RAP1A: variants seen among roughly 807,000 people sequenced by gnomAD.
RAP1A encodes RAP1A, member of RAS oncogene family, also known as ras-related protein Rap-1A.
RAP1A carries 6 observed loss-of-function variants against 26.4 expected under a neutral mutation model. That is an observed-to-expected ratio of 0.23 (90% CI 0.12 to 0.45). The LOEUF is 0.45. Ranked by LOEUF, RAP1A falls within the 20% of genes least tolerant of loss-of-function variation. The pLI, the probability that RAP1A is intolerant of heterozygous loss-of-function variation, is 0.99. For synonymous variants in RAP1A, 73 were observed against 79.4 expected (o/e 0.92, Z 0.43); for missense variants, 121 against 217.2 (o/e 0.56, Z 2.78).
intron 4 of RAP1A, among the ~76,000 whole-genome samples, chr1:111,700,090 TGGA>T (rs1271835411): frequency 6.6e-6 from 1 of 152,176 alleles, no homozygotes; most frequent in Non-Finnish European, 1.5e-5. Context: ...CTCTTAATGT[TGGA>T]GGACCTCAGG....
chr1:111,542,010 T>C (rs1317304821), upstream of RAP1A, among the ~76,000 whole-genome samples: 1 of 151,998 alleles, frequency 6.6e-6, no homozygotes, highest in Non-Finnish European at 1.5e-5. Flanking sequence ...AGGAACACCA[T>C]TCATTCCATA....
chr1:111,702,893 T>G (rs1390318908), intron 4 of RAP1A, among the ~76,000 whole-genome samples: 1 of 152,084 alleles, frequency 6.6e-6, no homozygotes, highest in African/African-American at 2.4e-5. Flanking sequence ...TTATTGACTG[T>G]CAAGATGATA....
At chr1:111,690,897 T>C (rs558930840) in intron 1 of RAP1A, among the ~76,000 whole-genome samples, 2 of 152,294 alleles carry the variant, frequency 1.3e-5, no homozygotes, top group East Asian at 3.9e-4. Flanking sequence ...ATGAACAAAA[T>C]AGTATAGAAT....
At chr1:111,652,976 C>G (rs1660322332) in intron 1 of RAP1A, among the ~76,000 whole-genome samples, 1 of 152,200 alleles carries the variant, frequency 6.6e-6, no homozygotes, top group Admixed American at 6.5e-5. Flanking sequence ...TTGTGCAAGA[C>G]TGTTCATTAC....
intron 1 of RAP1A, among the ~76,000 whole-genome samples, chr1:111,681,039 G>GT (rs1661277402): frequency 6.6e-6 from 1 of 152,214 alleles, no homozygotes; most frequent in African/African-American, 2.4e-5. Flanking sequence ...GAGGTCAGGA[G>GT]TTTGAGACCA....
intron 1 of RAP1A, among the ~76,000 whole-genome samples, chr1:111,650,951 G>A (rs185556258): frequency 4.8e-4 from 73 of 152,020 alleles, no homozygotes; most frequent in African/African-American, 1.5e-3. Context: ...ACAGGCACCC[G>A]CCACCACGCC....
At chr1:111,558,399 C>G (rs1657593049) in intron 1 of RAP1A, among the ~76,000 whole-genome samples, 1 of 151,618 alleles carries the variant, frequency 6.6e-6, no homozygotes, top group African/African-American at 2.4e-5. Flanking sequence ...GTTGCCCAAG[C>G]TGGTCTTGAA....
chr1:111,658,546 T>G (rs1363926836), intron 1 of RAP1A, among the ~76,000 whole-genome samples: 1 of 152,194 alleles, frequency 6.6e-6, no homozygotes, highest in African/African-American at 2.4e-5. Context: ...TTTTACTTTT[T>G]AGACATTTTT....
At chr1:111,542,743 C>G (rs570610032) in intron 1 of RAP1A, among the ~76,000 whole-genome samples, 1 of 151,950 alleles carries the variant, frequency 6.6e-6, no homozygotes, top group African/African-American at 2.4e-5. Context: ...GTCACCCAGG[C>G]TGGAGTGCAG....
At chr1:111,624,468 TCA>T (rs1659331544) in intron 1 of RAP1A, among the ~76,000 whole-genome samples, 1 of 152,248 alleles carries the variant, frequency 6.6e-6, no homozygotes, top group Non-Finnish European at 1.5e-5. Flanking sequence ...TCACATTCTC[TCA>T]GTCTCCTGCA....
At chr1:111,574,139 T>C (rs1658102712) in intron 1 of RAP1A, among the ~76,000 whole-genome samples, 1 of 152,202 alleles carries the variant, frequency 6.6e-6, no homozygotes, top group African/African-American at 2.4e-5. Context: ...TTGTATATAG[T>C]GTAAAGAAGG....
At chr1:111,566,299 G>A (rs888706277) in intron 1 of RAP1A, among the ~76,000 whole-genome samples, 2 of 152,212 alleles carry the variant, frequency 1.3e-5, no homozygotes, top group African/African-American at 4.8e-5. Flanking sequence ...TGACAGTGGA[G>A]AAGAGAGAAG....
intron 1 of RAP1A, among the ~76,000 whole-genome samples, chr1:111,548,011 TG>T (rs759321497): frequency 1.3e-4 from 20 of 152,294 alleles, no homozygotes; most frequent in Non-Finnish European, 2.5e-4. Flanking sequence ...CCACTTTTTT[TG>T]TTTGTTTGTT....
intron 1 of RAP1A, among the ~76,000 whole-genome samples, chr1:111,664,607 A>G (rs1247876374): frequency 2.0e-5 from 3 of 152,128 alleles, no homozygotes; most frequent in Non-Finnish European, 4.4e-5. Flanking sequence ...CAAGAAATAC[A>G]TACAAAGTAC....
At position 111,591,980 on chromosome 1, in the gene RAP1A, G is replaced by T. The variant is rs948654542; in HGVS notation, c.-28+49471G>T. ...CCCATTTTGGATTTGCACATCAGAG[G>T]TCTGGACTCTATCCCACGCCCCAGC... On this transcript the variant is annotated intron_variant, in intron 1 of 7. Transcript: ENST00000356415. Among the ~76,000 whole-genome samples, 3 of 152,272 alleles carry T rather than the reference G, an allele frequency of 2.0e-5. No individual in the cohort carries two copies. The East Asian group carries it at 5.8e-4, about 29-fold the overall frequency.
chr1:111,628,600 G>A (rs1432987741), intron 1 of RAP1A, among the ~76,000 whole-genome samples: 2 of 152,160 alleles, frequency 1.3e-5, no homozygotes, highest in Non-Finnish European at 2.9e-5. Context: ...GTAGAGTAAA[G>A]AATGAATTGA....
At chr1:111,568,021 T>C (rs1267363268) in intron 1 of RAP1A, among the ~76,000 whole-genome samples, 3 of 152,310 alleles carry the variant, frequency 2.0e-5, no homozygotes, top group Non-Finnish European at 4.4e-5. Context: ...CCAGAAACAG[T>C]GGGCCATTGC....
chr1:111,651,493 T>TA (rs2101136676), intron 1 of RAP1A, among the ~76,000 whole-genome samples: 1 of 149,718 alleles, frequency 6.7e-6, no homozygotes, highest in East Asian at 1.9e-4. Context: ...TTTTTTTTTT[T>TA]TTAGACAGAG....
chr1:111,585,065 AAG>A (rs1333360783), intron 1 of RAP1A, among the ~76,000 whole-genome samples: 1 of 152,182 alleles, frequency 6.6e-6, no homozygotes, highest in Non-Finnish European at 1.5e-5. Context: ...ATGGTGTAGA[AAG>A]AGATAAGTCT....
Sources: allele counts gnomAD v4.1 joint callset (sites outside exome capture counted in the v4.1 genomes callset), GRCh38; gene constraint gnomAD v4.1.1; transcripts MANE v1.5; gene names NCBI Gene and HGNC (gene_info 2026-07-23, HGNC 2026-07-21).